The following TVP23C variants were observed in gnomAD, a reference collection of about 807,000 sequenced individuals.
The protein encoded by TVP23C is Golgi apparatus membrane protein TVP23 homolog C.
Under a neutral mutation model 28.7 loss-of-function variants are expected in TVP23C, and 19 were observed. The ratio of observed to expected loss-of-function variants is 0.66; its 90% confidence interval spans 0.46 to 0.97. TVP23C has a LOEUF of 0.97. Ranked by LOEUF, TVP23C falls within the 50% of genes least tolerant of loss-of-function variation. The pLI is 0.00. For synonymous variants in TVP23C, 68 were observed against 81.7 expected (o/e 0.83, Z 0.90); for missense variants, 186 against 241.3 (o/e 0.77, Z 1.52).
At chr17:15,514,198 G>A (rs1982126417) in intron 5 of TVP23C, among the ~76,000 whole-genome samples, 1 of 152,222 alleles carries the variant, frequency 6.6e-6, no homozygotes, top group Non-Finnish European at 1.5e-5. Context: ...TCGAGTTGGA[G>A]CAGCCTTTTC....
At chr17:15,515,255 C>T (rs1982174919) in intron 5 of TVP23C, among the ~76,000 whole-genome samples, 1 of 152,146 alleles carries the variant, frequency 6.6e-6, no homozygotes, top group Non-Finnish European at 1.5e-5. Flanking sequence ...GCCTGGAACC[C>T]CCTGGAACTT....
At chr17:15,513,554 C>T (rs1464199228) in intron 5 of TVP23C, among the ~76,000 whole-genome samples, 1 of 152,226 alleles carries the variant, frequency 6.6e-6, no homozygotes, top group Non-Finnish European at 1.5e-5. Flanking sequence ...AACTTTAAAT[C>T]TCTCAAGCCA....
chr17:15,513,911 G>A (rs961163645), intron 5 of TVP23C, among the ~76,000 whole-genome samples: 21 of 152,244 alleles, frequency 1.4e-4, no homozygotes, highest in African/African-American at 4.8e-4. Flanking sequence ...GAAGAAGCTG[G>A]ATGTAGAAAG....
chr17:15,552,297 A>G (rs1261459503), intron 3 of TVP23C, among the ~76,000 whole-genome samples: 2 of 152,224 alleles, frequency 1.3e-5, no homozygotes, highest in Admixed American at 6.5e-5. Flanking sequence ...GAAAAACCTA[A>G]AGAAAACAGA....
chr17:15,513,135 G>A (rs1284608339), intron 5 of TVP23C, among the ~76,000 whole-genome samples: 1 of 152,140 alleles, frequency 6.6e-6, no homozygotes, highest in Non-Finnish European at 1.5e-5. Flanking sequence ...TTTGAGTGGG[G>A]GAGTATTGGG....
At chr17:15,527,527 A>G (rs1156519659) in intron 5 of TVP23C, among the ~76,000 whole-genome samples, 5 of 152,084 alleles carry the variant, frequency 3.3e-5, no homozygotes, top group Admixed American at 2.0e-4. Flanking sequence ...TTTCCATCTG[A>G]GCAAGTTACC....
chr17:15,518,566 G>C (rs933468524), intron 5 of TVP23C, among the ~76,000 whole-genome samples: 1 of 152,224 alleles, frequency 6.6e-6, no homozygotes, highest in African/African-American at 2.4e-5. Context: ...GTGCCTTAGA[G>C]AATCCTAAGC....
intron 5 of TVP23C, among the ~76,000 whole-genome samples, chr17:15,520,754 T>C (rs1198604278): frequency 2.0e-5 from 3 of 152,180 alleles, no homozygotes; most frequent in South Asian, 2.1e-4. Flanking sequence ...GATACCACCA[T>C]GTCCTTACAA....
chr17:15,532,643 AGTTT>A (rs1320330966), downstream of TVP23C, among the ~76,000 whole-genome samples: 1 of 152,182 alleles, frequency 6.6e-6, no homozygotes, highest in Non-Finnish European at 1.5e-5. Context: ...AGTTTAAAAA[AGTTT>A]ATTTTGATCA....
intron 5 of TVP23C, among the ~76,000 whole-genome samples, chr17:15,542,988 G>A (rs1016448839): frequency 4.6e-5 from 7 of 152,138 alleles, no homozygotes; most frequent in African/African-American, 1.7e-4. Context: ...TAGAAACACT[G>A]CTAGAAAAAG....
rs1332053745 is a variant in TVP23C, at chr17:15,560,498, A to T, written c.12+2939T>A. 3.3e-5 allele frequency among the ~76,000 whole-genome samples: 5 copies of T among 149,668 alleles called. 1 individual carries two copies. The highest frequency in any genetic ancestry group is 1.2e-4 in the African/African-American group (5 of 41,244). On this transcript the variant is annotated intron_variant, in intron 1 of 5. Transcript: ENST00000518321. ...GAATTAAAAGACAAGTATATATGATACAAGTCTTTAAAGGAAAAAGAATGG... is the reference window on the plus strand; with the variant it reads ...GAATTAAAAGACAAGTATATATGATTCAAGTCTTTAAAGGAAAAAGAATGG...
intron 5 of TVP23C, among the ~76,000 whole-genome samples, chr17:15,522,484 G>C (rs967796455): frequency 6.6e-6 from 1 of 152,136 alleles, no homozygotes; most frequent in African/African-American, 2.4e-5. Context: ...AAATCAGTGA[G>C]GAAAATCTGG....
Position 15,538,392 on chromosome 17 carries a change from C to T in TVP23C, c.*2020G>A. The T allele has an allele frequency of 1.2e-6, 1 of 829,404 alleles. No individual in the cohort carries two copies. Among genetic ancestry groups the T allele is most frequent in the African/African-American group, 1.8e-5 (1 of 54,074 alleles). 51.4% of individuals were successfully genotyped at this position (829,404 alleles called of 1,614,324 possible). ...GATCATGAGGTCAGGAGATCGAGACCCTCCTGGCTAACACAGTGAAACCCC... is the reference window on the plus strand; with the variant it reads ...GATCATGAGGTCAGGAGATCGAGACTCTCCTGGCTAACACAGTGAAACCCC... On this transcript the variant is annotated 3_prime_UTR_variant, in exon 6 of 6. Transcript: ENST00000518321.
chr17:15,548,585 CACAG>C (rs1171432609), intron 3 of TVP23C, among the ~76,000 whole-genome samples: 1 of 152,104 alleles, frequency 6.6e-6, no homozygotes. Context: ...CAATAGAAAC[CACAG>C]ACATTTTTCA....
intron 5 of TVP23C, among the ~76,000 whole-genome samples, chr17:15,514,321 A>G (rs576626807): frequency 6.6e-6 from 1 of 151,196 alleles, no homozygotes; most frequent in Non-Finnish European, 1.5e-5. Context: ...GTTTCTAAAC[A>G]GACACTCAAT....
chr17:15,549,197 AG>A (rs1983779994), intron 3 of TVP23C, among the ~76,000 whole-genome samples: 1 of 152,204 alleles, frequency 6.6e-6, no homozygotes. Context: ...GTGATGTGGG[AG>A]GAAGAAGAGC....
chr17:15,549,115 T>C (rs1013894462), intron 3 of TVP23C, among the ~76,000 whole-genome samples: 4 of 152,202 alleles, frequency 2.6e-5, no homozygotes. Context: ...GTATTTTATA[T>C]ATGTGAAAAC....
At chr17:15,529,413 C>T (rs1330917773) in intron 5 of TVP23C, among the ~76,000 whole-genome samples, 1 of 151,934 alleles carries the variant, frequency 6.6e-6, no homozygotes, top group Non-Finnish European at 1.5e-5. Context: ...GTCAGCGCCA[C>T]TGCACTCCAG....
rs1983212187 is a variant in TVP23C at position 15,537,684 on chromosome 17, A to AAAGAAGCAAAAC, written c.*2727_*2728insGTTTTGCTTCTT. ...ATAAGCCAAAGTGCTCACTCTTACC[A>AAAGAAGCAAAAC]TAGAAGCAAAACTTTCTCCTGAAAA... On this transcript the variant is annotated 3_prime_UTR_variant, in exon 6 of 6. Coordinates refer to ENST00000518321, the MANE Select transcript of TVP23C (RefSeq NM_001135036.2). The AAAGAAGCAAAAC allele has an allele frequency of 4.1e-6, 4 of 986,180 alleles. No homozygotes were observed. The African/African-American group carries it at 7.0e-5, about 17-fold the overall frequency. 61.1% of individuals were successfully genotyped at this position (986,180 alleles called of 1,614,324 possible).
Sources: gnomAD v4.1 joint callset for allele counts (sites outside exome capture counted in the v4.1 genomes callset) on GRCh38, gnomAD v4.1.1 for gene constraint, MANE v1.5 for transcripts, NCBI Gene and HGNC (gene_info 2026-07-23, HGNC 2026-07-21) for gene names.